The following GIPC2 variants were observed in gnomAD, a reference collection of about 807,000 sequenced individuals.
GIPC2 encodes the protein GIPC PDZ domain containing family member 2.
Under a neutral mutation model 30.6 loss-of-function variants are expected in GIPC2, and 30 were observed. That is an observed-to-expected ratio of 0.98 (90% confidence interval 0.73 to 1.33). GIPC2 has a LOEUF of 1.33. Among genes scored for constraint, GIPC2 ranks in the 40% most tolerant of loss-of-function variants. The pLI is 0.00. For synonymous variants in GIPC2, 167 were observed against 150.0 expected (o/e 1.11, Z -0.83); for missense variants, 414 against 390.3 (o/e 1.06, Z -0.51).
chr1:78,134,344 ATGTG>A (rs3057093), intron 5 of GIPC2, among the ~76,000 whole-genome samples: 31 of 148,760 alleles, frequency 2.1e-4, no homozygotes, highest in African/African-American at 5.2e-4. Flanking sequence ...GTGTGTATGT[ATGTG>A]TGTGTGTGTG....
intron 5 of GIPC2, among the ~76,000 whole-genome samples, chr1:78,133,607 G>A (rs564490204): frequency 2.6e-5 from 4 of 152,216 alleles, no homozygotes; most frequent in East Asian, 1.9e-4. Context: ...AGAAAGCAGC[G>A]AAGATAGCAT....
chr1:78,048,301 T>C (rs541429391), intron 1 of GIPC2, among the ~76,000 whole-genome samples: 1 of 152,304 alleles, frequency 6.6e-6, no homozygotes, highest in South Asian at 2.1e-4. Context: ...GTATTATTAT[T>C]AATATCCCCA....
At chr1:78,091,445 T>G in intron 2 of GIPC2, 1 of 594,890 alleles carries the variant, frequency 1.7e-6, no homozygotes, top group South Asian at 1.9e-5. Flanking sequence ...CAGGGGCCTT[T>G]GCCTGGCTTG....
In GIPC2 at chr1:78,046,195, C is replaced by T. The variant is rs1399791184; in HGVS notation, c.101C>T (p.Ala34Val). ...GGCGCGGGCGGCGGGAGCCTCTCAG[C>T]GTCCCGGGCTCCCGCACGCAGGCTG... is the stretch of plus-strand genomic sequence containing the variant. The part of the protein sequence containing the change: ...PTGAGGGSLS[A>V]SRAPARRLVF... Residue 34 changes from alanine to valine, a missense_variant, in exon 1 of 6, where the codon GCG (alanine) becomes GTG (valine). Coordinates refer to ENST00000370759, the MANE Select transcript of GIPC2 (RefSeq NM_017655.6). The T allele has an allele frequency of 6.3e-7, 1 of 1,581,488 alleles. No individual in the cohort carries two copies. The highest frequency in any genetic ancestry group is 1.8e-5 in the Admixed American group (1 of 55,110).
chr1:78,046,841 A>G (rs1247176392), intron 1 of GIPC2, among the ~76,000 whole-genome samples: 3 of 151,512 alleles, frequency 2.0e-5, no homozygotes, highest in African/African-American at 4.9e-5. Flanking sequence ...GGGGGAAAAC[A>G]TTGAAGAGCC....
rs1661060232 is a variant in GIPC2 at position 78,046,021 on chromosome 1, G to A, written c.-74G>A. ...CTTTTACCTGCGCGGGGCCCGGGGC[G>A]CAAAGTCCGAGGCGCCGGGGGGAGG... On this transcript the variant is annotated 5_prime_UTR_variant, in exon 1 of 6. Coordinates refer to ENST00000370759, the MANE Select transcript of GIPC2 (RefSeq NM_017655.6). 2.2e-6 allele frequency: 3 copies of A among 1,394,872 alleles called. No individual in the cohort carries two copies. The highest frequency in any genetic ancestry group is 6.0e-5 in the East Asian group (2 of 33,088). 86.4% of individuals were successfully genotyped at this position (1,394,872 alleles called of 1,614,324 possible).
At chr1:78,048,408 T>G (rs1661134692) in intron 1 of GIPC2, among the ~76,000 whole-genome samples, 1 of 151,984 alleles carries the variant, frequency 6.6e-6, no homozygotes, top group African/African-American at 2.4e-5. Context: ...GTATTCTTTT[T>G]TTTTGTTTTC....
intron 3 of GIPC2, among the ~76,000 whole-genome samples, chr1:78,107,070 C>T (rs944755322): frequency 3.4e-5 from 5 of 147,550 alleles, no homozygotes; most frequent in African/African-American, 1.3e-4. Context: ...CTTACTCTCC[C>T]TCCCTCTCTT....
chr1:78,101,451 A>G (rs916438033), intron 3 of GIPC2, among the ~76,000 whole-genome samples: 2 of 152,184 alleles, frequency 1.3e-5, no homozygotes, highest in African/African-American at 4.8e-5. Context: ...CATTGCAAAT[A>G]TTGTTTCAGT....
intron 1 of GIPC2, among the ~76,000 whole-genome samples, chr1:78,077,753 A>G (rs1265769875): frequency 6.6e-6 from 1 of 152,208 alleles, no homozygotes; most frequent in Non-Finnish European, 1.5e-5. Context: ...TAATATGGCC[A>G]CTTCACTGTT....
chr1:78,106,934 C>T (rs1662364619), intron 3 of GIPC2, among the ~76,000 whole-genome samples: 1 of 152,166 alleles, frequency 6.6e-6, no homozygotes, highest in Non-Finnish European at 1.5e-5. Context: ...CCTCGGCCTC[C>T]CAAGGTGCTG....
chr1:78,053,270 CTG>C (rs1661226961), intron 1 of GIPC2, among the ~76,000 whole-genome samples: 1 of 152,164 alleles, frequency 6.6e-6, no homozygotes, highest in African/African-American at 2.4e-5. Flanking sequence ...ACTGCTCTGA[CTG>C]TGGTAATTTC....
intron 1 of GIPC2, among the ~76,000 whole-genome samples, chr1:78,075,457 A>G (rs544643416): frequency 2.8e-4 from 42 of 152,340 alleles, no homozygotes; most frequent in African/African-American, 8.4e-4. Context: ...CCCTGTCTCA[A>G]AATAAATAAG....
intron 5 of GIPC2, among the ~76,000 whole-genome samples, chr1:78,131,389 T>G (rs1662895344): frequency 6.6e-6 from 1 of 152,060 alleles, no homozygotes; most frequent in East Asian, 1.9e-4. Context: ...TTTGTATTTT[T>G]AGTAGAGATG....
chr1:78,054,830 A>G (rs1661256866), intron 1 of GIPC2, among the ~76,000 whole-genome samples: 1 of 152,142 alleles, frequency 6.6e-6, no homozygotes, highest in Admixed American at 6.5e-5. Flanking sequence ...AGTACCCTGA[A>G]GAAGATATCT....
In GIPC2 at chr1:78,080,681, T is replaced by C. The variant is rs371773725; in HGVS notation, c.247T>C (p.Tyr83His). 7.9e-5 allele frequency: 125 copies of C among 1,586,152 alleles called. No homozygotes were observed. Among genetic ancestry groups the C allele is most frequent in the South Asian group, 5.4e-4 (48 of 88,620 alleles). The change falls in exon 2 of 6, where the codon TAT becomes CAT. Residue 83 changes from tyrosine to histidine, a missense_variant. Transcript: ENST00000370759. Reference protein sequence around the residue: ...AFEISPSEILYCTLNTPKIDM... With the variant: ...AFEISPSEILHCTLNTPKIDM... ...ATTTTATTTTTCTTTGCAGATCTTA[T>C]ATTGCACTTTAAACACACCTAAAAT...
chr1:78,093,323 G>A (rs1481684041), intron 2 of GIPC2, among the ~76,000 whole-genome samples: 6 of 152,200 alleles, frequency 3.9e-5, no homozygotes, highest in East Asian at 1.9e-4. Flanking sequence ...TTCTGTTAGC[G>A]ATATAAGTTT....
chr1:78,091,468 A>C (rs951694711), intron 2 of GIPC2: 5 of 638,346 alleles, frequency 7.8e-6, no homozygotes, highest in African/African-American at 1.8e-5. Context: ...GGCTGGCTCT[A>C]CCTTCCCTGT....
chr1:78,047,996 T>C (rs1661127237), intron 1 of GIPC2, among the ~76,000 whole-genome samples: 1 of 152,232 alleles, frequency 6.6e-6, no homozygotes, highest in South Asian at 2.1e-4. Flanking sequence ...CAGTTTTAGT[T>C]ACAGATGGTC....
Sources: allele counts gnomAD v4.1 joint callset (sites outside exome capture counted in the v4.1 genomes callset), GRCh38; gene constraint gnomAD v4.1.1; transcripts MANE v1.5; gene names NCBI Gene and HGNC (gene_info 2026-07-23, HGNC 2026-07-21).